C11orf24: variants seen among roughly 807,000 people sequenced by gnomAD.
The protein encoded by C11orf24 is uncharacterized protein C11orf24.
In C11orf24, 5 loss-of-function variants were observed where a neutral mutation model predicts 7.3. The ratio of observed to expected loss-of-function variants is 0.69; its 90% CI spans 0.36 to 1.45. The LOEUF is 1.45. Among genes scored for constraint, C11orf24 ranks in the 40% most tolerant of loss-of-function variants. C11orf24 has a pLI of 0.03. For missense variants in C11orf24, 566 were observed against 590.5 expected, an observed-to-expected ratio of 0.96 and a Z score of 0.43; for synonymous variants, 233 against 235.7, an observed-to-expected ratio of 0.99 and a Z score of 0.11.
At chr11:68,264,648 A>ACTTT (rs1307708005) in intron 2 of C11orf24, among the ~76,000 whole-genome samples, 1 of 32,028 alleles carries the variant, frequency 3.1e-5, no homozygotes, top group East Asian at 1.2e-3. Flanking sequence ...CCACTCATCC[A>ACTTT]TCCATCCACC....
At position 68,262,315 on chromosome 11, in the gene C11orf24, A is replaced by C. The variant is rs1235914509; in HGVS notation, c.680T>G (p.Met227Arg). The C allele has an allele frequency of 6.2e-7, 1 of 1,613,878 alleles. No individual in the cohort carries two copies. The highest frequency in any genetic ancestry group is 2.2e-5 in the East Asian group (1 of 44,880). Residue 227 changes from methionine (M) to arginine (R), a missense_variant, in exon 4 of 4, where the codon ATG becomes AGG. Transcript: ENST00000304271. ...CTTGGAAGGACTTGGACGAGTGCTC[A>C]TGGGGCTGCTTGTGTTTGCTGTGGT... ...VATTANTSSPMSTRPSPSKHM... is the reference protein window; with the variant it reads ...VATTANTSSPRSTRPSPSKHM...
Position 68,262,128 on chromosome 11 carries a change from T to C in C11orf24, c.867A>G (p.Thr289=), listed in dbSNP as rs369235695. Residue 289 remains threonine (T), a synonymous_variant, in exon 4 of 4, where the codon ACA becomes ACG. Transcript: ENST00000304271. Reference sequence around the variant, plus strand: ...CTTGTGCCTTGGTGGTGGTCACCACTGTGGGGGTGGGGGCGGGCTCTGGGG... The same window carrying C: ...CTTGTGCCTTGGTGGTGGTCACCACCGTGGGGGTGGGGGCGGGCTCTGGGG... ...NTTPEPAPTP[T]VVTTTKAQAR... 6.2e-7 allele frequency: 1 copy of C among 1,605,474 alleles called. No individual in the cohort carries two copies. Among genetic ancestry groups the C allele is most frequent in the Non-Finnish European group, 8.5e-7 (1 of 1,174,550 alleles).
intron 1 of C11orf24, among the ~76,000 whole-genome samples, chr11:68,271,072 C>A (rs934487860): frequency 4.2e-4 from 64 of 152,264 alleles, no homozygotes; most frequent in Middle Eastern, 6.8e-3. Context: ...CTCTGACATT[C>A]CTTTGTCCAT....
chr11:68,267,218 G>C (rs73494683), intron 2 of C11orf24: 4 of 152,202 alleles, frequency 2.6e-5, no homozygotes, highest in Non-Finnish European at 5.9e-5. Flanking sequence ...TTCAGGGACC[G>C]TGCTCCAGCT....
Position 68,262,730 on chromosome 11 carries a change from C to T in C11orf24, c.265G>A (p.Val89Met), listed in dbSNP as rs760985743. 21 of 1,614,198 alleles carry T rather than the reference C, an allele frequency of 1.3e-5. No homozygotes were observed. The highest frequency in any genetic ancestry group is 1.4e-5 in the Non-Finnish European group (16 of 1,180,024). ...VTTEDTSRTD[V>M]SEPATSGGAA... ...CCTCCTGAAGTTGCTGGTTCACTCA[C>T]ATCTGTCCTGCTTGTGTCCTCTGTT... The change falls in exon 4 of 4, where the codon GTG becomes ATG. Residue 89 changes from valine to methionine, a missense_variant. Transcript: ENST00000304271.
At chr11:68,266,821 T>A (rs766028685) in intron 2 of C11orf24, among the ~76,000 whole-genome samples, 5 of 152,156 alleles carry the variant, frequency 3.3e-5, no homozygotes, top group Non-Finnish European at 7.3e-5. Context: ...CCCTGGTATG[T>A]TCCCCAGGCC....
At chr11:68,264,633 T>TCCAC (rs2098563965) in intron 2 of C11orf24, among the ~76,000 whole-genome samples, 2 of 34,568 alleles carry the variant, frequency 5.8e-5, no homozygotes, top group Non-Finnish European at 1.3e-4. Context: ...CACCCATCCA[T>TCCAC]CCACCCACTC....
In C11orf24 at chr11:68,262,341, C is replaced by A. The variant is rs145066492; in HGVS notation, c.654G>T (p.Ala218=). 6.2e-7 allele frequency: 1 copy of A among 1,613,908 alleles called. No individual in the cohort carries two copies. The highest frequency in any genetic ancestry group is 1.3e-5 in the African/African-American group (1 of 74,878). Residue 218 remains alanine (A), a synonymous_variant, in exon 4 of 4, where the codon GCG becomes GCT. Transcript: ENST00000304271. ...ATLATRAQTV[A]TTANTSSPMS... ...TGGGGCTGCTTGTGTTTGCTGTGGTCGCTACAGTCTGAGCACGTGTGGCCA... is the reference window on the plus strand; with the variant it reads ...TGGGGCTGCTTGTGTTTGCTGTGGTAGCTACAGTCTGAGCACGTGTGGCCA...
intron 3 of C11orf24, 127 bp downstream of exon 3, chr11:68,263,565 T>C: frequency 1.2e-6 from 1 of 820,010 alleles, no homozygotes; most frequent in Non-Finnish European, 1.9e-6. Flanking sequence ...CCCTTCCCTG[T>C]GCGGCACCTG....
At chr11:68,263,989 ACCAGGGCCTGGTGC>A in intron 2 of C11orf24, 123 bp from the exon 3 acceptor site, 1 of 556,476 alleles carries the variant, frequency 1.8e-6, no homozygotes, top group South Asian at 2.3e-5. Flanking sequence ...AAGTGCTGAG[ACCAGGGCCTGGTGC>A]CCAGGAAGAC....
chr11:68,270,710 T>C (rs1052801973), intron 1 of C11orf24, among the ~76,000 whole-genome samples: 2 of 152,134 alleles, frequency 1.3e-5, no homozygotes, highest in African/African-American at 2.4e-5. Context: ...TATCAGGCTA[T>C]TAAGACTCAC....
chr11:68,270,140 G>A (rs1480596749), intron 1 of C11orf24, among the ~76,000 whole-genome samples: 1 of 152,198 alleles, frequency 6.6e-6, no homozygotes. Context: ...CCAGGGGCAG[G>A]AGGGGAATGA....
Position 68,262,094 on chromosome 11 carries a change from G to T in C11orf24, c.901C>A (p.Pro301Thr). ...GGTACTGGCACTGGGCTGGCAGTTG[G>T]CTCCCTGGCTTGTGCCTTGGTGGTG... The part of the protein sequence containing the change: ...VTTTKAQARE[P>T]TASPVPVPHT... The change falls in exon 4 of 4, where the codon CCA (proline) becomes ACA (threonine). Residue 301 changes from proline to threonine, a missense_variant. Transcript: ENST00000304271. 6.2e-7 allele frequency: 1 copy of T among 1,613,908 alleles called. No individual in the cohort carries two copies. The highest frequency in any genetic ancestry group is 8.5e-7 in the Non-Finnish European group (1 of 1,179,994).
intron 1 of C11orf24, among the ~76,000 whole-genome samples, chr11:68,270,427 C>T (rs1381324424): frequency 6.6e-6 from 1 of 152,048 alleles, no homozygotes; most frequent in Non-Finnish European, 1.5e-5. Flanking sequence ...CGAACCTTGG[C>T]TTGTTATATG....
rs759938075 is a variant in C11orf24, at chr11:68,262,006, G to A, written c.989C>T (p.Pro330Leu). 16 of 1,613,978 alleles carry A rather than the reference G, an allele frequency of 9.9e-6. No individual in the cohort carries two copies. The East Asian group carries it at 3.3e-4, about 34-fold the overall frequency. Residue 330 changes from proline to leucine, a missense_variant, in exon 4 of 4, where the codon CCA becomes CTA. Physicochemically the swap from Pro to Leu is moderately conservative, Grantham distance 98. Coordinates refer to ENST00000304271, the MANE Select transcript of C11orf24 (RefSeq NM_022338.4). ...MSPTTQPSPM[P>L]YTQRAAGPGT... is the part of the protein sequence containing the mutation. Reference sequence around the variant, plus strand: ...TGGCCCAGCGGCCCTCTGGGTATATGGCATGGGGCTTGGCTGTGTCGTGGG... The same window carrying A: ...TGGCCCAGCGGCCCTCTGGGTATATAGCATGGGGCTTGGCTGTGTCGTGGG...
rs758118164 is a variant in C11orf24 at position 68,264,459 on chromosome 11, CATCT to C, written c.-99-597_-99-594del. On this transcript the variant is annotated intron_variant, in intron 2 of 3. Transcript: ENST00000304271. The stretch of plus-strand genomic sequence containing the variant: ...CCATCCATCCACTTACCCACTTACC[CATCT>C]ATCCATCCATCCATCCATCCACCCA... Among the ~76,000 whole-genome samples the C allele has an allele frequency of 4.8e-4, 71 of 149,282 alleles. 1 individual carries two copies. Among genetic ancestry groups the C allele is most frequent in the Non-Finnish European group, 7.0e-4 (47 of 67,124 alleles).
rs182880396 is a variant in C11orf24 at position 68,269,239 on chromosome 11, C to T, written c.-297-988G>A. On this transcript the variant is annotated intron_variant, in intron 1 of 3. Transcript: ENST00000304271. ...GCAGAAAGGCACAGAGTTATCCCAC[C>T]TGATACAGTTTCACATGCTGATTTC... is the stretch of plus-strand genomic sequence containing the variant. 3.8e-4 allele frequency among the ~76,000 whole-genome samples: 58 copies of T among 152,236 alleles called. 1 individual carries two copies. The highest frequency in any genetic ancestry group is 6.5e-4 in the Non-Finnish European group (44 of 68,020).
At chr11:68,263,243 A>G (rs2098562875) in intron 3 of C11orf24, 1 of 432,630 alleles carries the variant, frequency 2.3e-6, no homozygotes, top group Non-Finnish European at 4.2e-6. Context: ...GGTGTGATTC[A>G]CCATTAAAAG....
intron 1 of C11orf24, among the ~76,000 whole-genome samples, chr11:68,269,334 G>A (rs571874482): frequency 1.6e-4 from 25 of 152,280 alleles, no homozygotes; most frequent in African/African-American, 5.5e-4. Context: ...CCAAAACTTC[G>A]GAGGAATCCA....
Sources: allele counts gnomAD v4.1 joint callset (sites outside exome capture counted in the v4.1 genomes callset), GRCh38; gene constraint gnomAD v4.1.1; transcripts MANE v1.5; gene names NCBI Gene and HGNC (gene_info 2026-07-23, HGNC 2026-07-21).